SHC4: variants seen among roughly 807,000 people sequenced by gnomAD.
SHC4 encodes the protein SHC adaptor protein 4.
SHC4 carries 41 observed loss-of-function variants against 69.4 expected under a neutral mutation model. The observed-to-expected ratio is 0.59, with a 90% CI of 0.46 to 0.77. The LOEUF is 0.77. SHC4 is among the 30% of genes least tolerant of loss of function. SHC4 has a pLI of 0.00. For missense variants in SHC4, 777 were observed against 783.8 expected, an observed-to-expected ratio of 0.99 and a Z score of 0.10; for synonymous variants, 318 against 299.3, an observed-to-expected ratio of 1.06 and a Z score of -0.64.
chr15:48,935,491 G>T (rs1049671981), intron 1 of SHC4, among the ~76,000 whole-genome samples: 2 of 152,178 alleles, frequency 1.3e-5, no homozygotes, highest in African/African-American at 4.8e-5. Flanking sequence ...AAGAAATGAT[G>T]TTCAGGAAGT....
chr15:48,891,715 TA>T (rs1398678204), intron 2 of SHC4, among the ~76,000 whole-genome samples: 1 of 152,194 alleles, frequency 6.6e-6, no homozygotes, highest in African/African-American at 2.4e-5. Context: ...CACACACCAA[TA>T]CACATACACA....
chr15:48,886,395 G>T (rs1398019289), intron 3 of SHC4, among the ~76,000 whole-genome samples: 2 of 152,116 alleles, frequency 1.3e-5, no homozygotes, highest in Non-Finnish European at 2.9e-5. Context: ...AATCTCGTGA[G>T]AAATGTCCAA....
At chr15:48,952,535 C>A (rs1485140230) in intron 1 of SHC4, among the ~76,000 whole-genome samples, 1 of 151,910 alleles carries the variant, frequency 6.6e-6, no homozygotes, top group Non-Finnish European at 1.5e-5. Flanking sequence ...AACTATGCAC[C>A]CAACAAAGGT....
chr15:48,872,685 T>G (rs1899707639), intron 4 of SHC4, among the ~76,000 whole-genome samples: 1 of 152,232 alleles, frequency 6.6e-6, no homozygotes, highest in Non-Finnish European at 1.5e-5. Context: ...TTTGCAAAAG[T>G]TAGTTTGAAT....
At chr15:48,847,493 G>A (rs1393539919) in intron 9 of SHC4, among the ~76,000 whole-genome samples, 2 of 152,100 alleles carry the variant, frequency 1.3e-5, no homozygotes, top group Non-Finnish European at 2.9e-5. Context: ...ACAACCAGAG[G>A]CTACTGCAGT....
intron 1 of SHC4, among the ~76,000 whole-genome samples, chr15:48,949,036 T>C (rs1336049149): frequency 3.9e-5 from 6 of 152,092 alleles, no homozygotes; most frequent in Admixed American, 3.3e-4. Context: ...TGTCTTCCAC[T>C]GGCATCTCTC....
chr15:48,912,111 T>C (rs926221087), intron 2 of SHC4, among the ~76,000 whole-genome samples: 1 of 152,220 alleles, frequency 6.6e-6, no homozygotes, highest in Admixed American at 6.5e-5. Flanking sequence ...TTTGTGCTTC[T>C]TATATTTGGA....
intron 1 of SHC4, among the ~76,000 whole-genome samples, chr15:48,930,783 T>G (rs1900949868): frequency 6.6e-6 from 1 of 152,196 alleles, no homozygotes; most frequent in African/African-American, 2.4e-5. Context: ...AGCAGGATAT[T>G]TCTGCCACCT....
At chr15:48,864,195 T>C (rs1899508810) in intron 6 of SHC4, among the ~76,000 whole-genome samples, 1 of 152,140 alleles carries the variant, frequency 6.6e-6, no homozygotes, top group African/African-American at 2.4e-5. Flanking sequence ...TATTGAAATG[T>C]TTGCATTGCA....
At chr15:48,842,447 T>C (rs531694438) in intron 10 of SHC4, among the ~76,000 whole-genome samples, 2 of 152,342 alleles carry the variant, frequency 1.3e-5, no homozygotes, top group East Asian at 3.9e-4. Flanking sequence ...ATTTAAAGTA[T>C]TTGAAAGGAT....
chr15:48,907,840 G>GTGTA (rs763689321), intron 2 of SHC4, among the ~76,000 whole-genome samples: 2,826 of 142,124 alleles, frequency 0.02, 54 homozygotes, highest in East Asian at 0.077. Context: ...GTGTGTGTGT[G>GTGTA]TATATATATA....
intron 9 of SHC4, among the ~76,000 whole-genome samples, chr15:48,848,886 C>A (rs1364210286): frequency 3.3e-5 from 5 of 151,942 alleles, no homozygotes; most frequent in Non-Finnish European, 7.4e-5. Flanking sequence ...GAAGGGAAAC[C>A]ATGTCCCCTT....
chr15:48,877,745 A>G (rs899265502), intron 4 of SHC4: 7 of 223,938 alleles, frequency 3.1e-5, no homozygotes, highest in African/African-American at 1.6e-4. Flanking sequence ...ATCTGTGGTT[A>G]TGGATGTTGT....
intron 2 of SHC4, among the ~76,000 whole-genome samples, chr15:48,920,750 TA>T (rs1942539375): frequency 2.0e-5 from 3 of 152,068 alleles, no homozygotes; most frequent in Admixed American, 1.3e-4. Context: ...ATAATCAAGA[TA>T]TATATATGAT....
chr15:48,920,457 C>T (rs186543526), intron 2 of SHC4, among the ~76,000 whole-genome samples: 254 of 151,794 alleles, frequency 1.7e-3, no homozygotes, highest in Admixed American at 7.1e-3. Flanking sequence ...TTAGTAACTT[C>T]CTATATCTTA....
chr15:48,956,590 C>T (rs907942813), intron 1 of SHC4, among the ~76,000 whole-genome samples: 21 of 152,144 alleles, frequency 1.4e-4, no homozygotes, highest in Non-Finnish European at 1.5e-5. Flanking sequence ...GGCCTGCCCC[C>T]GAACTAGCCC....
At chr15:48,919,203 C>A (rs569834241) in intron 2 of SHC4, among the ~76,000 whole-genome samples, 2 of 151,618 alleles carry the variant, frequency 1.3e-5, no homozygotes, top group African/African-American at 4.8e-5. Context: ...CTCCAGTCAG[C>A]GTTTCCCTCT....
intron 2 of SHC4, among the ~76,000 whole-genome samples, chr15:48,895,083 G>T (rs775796937): frequency 6.6e-6 from 1 of 152,066 alleles, no homozygotes; most frequent in African/African-American, 2.4e-5. Flanking sequence ...GGGATTAGAG[G>T]TGTGAGCCAC....
rs761401009 is a variant in SHC4 at position 48,878,346 on chromosome 15, C to G, written c.840+5902G>C. The G allele has an allele frequency of 1.7e-5, 27 of 1,613,422 alleles. No individual in the cohort carries two copies. Among genetic ancestry groups the G allele is most frequent in the Non-Finnish European group, 2.1e-5 (25 of 1,179,662 alleles). ...GCCCAACAGCTCGAGGAGGAAGGCC[C>G]AATGGAGGAGGAGGAGGCCCAGCCA... On this transcript the variant is annotated intron_variant, in intron 4 of 11. Transcript: ENST00000332408.
Sources: gnomAD v4.1 joint callset for allele counts (sites outside exome capture counted in the v4.1 genomes callset) on GRCh38, gnomAD v4.1.1 for gene constraint, MANE v1.5 for transcripts, NCBI Gene and HGNC (gene_info 2026-07-23, HGNC 2026-07-21) for gene names.